Variants in PXDNL observed in about 807,000 individuals in gnomAD.
The protein encoded by PXDNL is probable oxidoreductase PXDNL.
A neutral mutation model predicts 150.8 loss-of-function variants in PXDNL; 145 were observed. The observed-to-expected ratio is 0.96, with a 90% CI of 0.84 to 1.10. The LOEUF is 1.10. PXDNL is among the 50% of genes least tolerant of loss of function. The probability of loss-of-function intolerance (pLI) is 0.00; values close to 1 mark genes in which losing one functional copy is unlikely to be tolerated. For missense variants in PXDNL, 2,087 were observed against 1,873.9 expected (o/e 1.11, Z -2.10); for synonymous variants, 757 against 725.7 (o/e 1.04, Z -0.69).
intron 3 of PXDNL, among the ~76,000 whole-genome samples, chr8:51,573,353 C>A (rs903735031): frequency 1.3e-5 from 2 of 151,940 alleles, no homozygotes. Context: ...ACATAGAAAG[C>A]CTTGACCTCC....
intron 19 of PXDNL, 143 bp downstream of exon 19, chr8:51,371,730 T>G: frequency 1.4e-6 from 1 of 735,760 alleles, no homozygotes; most frequent in Non-Finnish European, 2.2e-6. Context: ...CTTCATCATC[T>G]GTCAGATTTC....
At chr8:51,602,334 C>A (rs1306207673) in intron 2 of PXDNL, among the ~76,000 whole-genome samples, 1 of 151,888 alleles carries the variant, frequency 6.6e-6, no homozygotes, top group Non-Finnish European at 1.5e-5. Context: ...GGTTATTTTG[C>A]TTTACATAAT....
Position 51,654,685 on chromosome 8 carries a change from T to A in PXDNL, c.236+4A>T. The A allele has an allele frequency of 4.4e-6, 7 of 1,609,088 alleles. No homozygotes were observed. The highest frequency in any genetic ancestry group is 6.0e-6 in the Non-Finnish European group (7 of 1,175,924). On this transcript the variant is annotated splice_donor_region_variant and intron_variant, in intron 2 of 22. Coordinates refer to ENST00000356297, the MANE Select transcript of PXDNL (RefSeq NM_144651.5). Reference sequence around the variant, plus strand: ...AACCTTACAGATAAGCAATAAGTACTCACAGTGTGTTCAAATTCTTGAGTT... The same window carrying A: ...AACCTTACAGATAAGCAATAAGTACACACAGTGTGTTCAAATTCTTGAGTT...
At chr8:51,368,715 A>G (rs115570005) in intron 19 of PXDNL, among the ~76,000 whole-genome samples, 1,808 of 152,206 alleles carry the variant, frequency 0.012, 29 homozygotes, top group African/African-American at 0.04. Context: ...AATTAAATCC[A>G]CTGGGCATGG....
chr8:51,481,319 T>A (rs1246816932), intron 6 of PXDNL, among the ~76,000 whole-genome samples: 1 of 152,132 alleles, frequency 6.6e-6, no homozygotes, highest in Non-Finnish European at 1.5e-5. Context: ...GCCCTAGAGA[T>A]CTGTGGAAAT....
chr8:51,776,141 C>T (rs1030014431), intron 1 of PXDNL, among the ~76,000 whole-genome samples: 1 of 152,164 alleles, frequency 6.6e-6, no homozygotes, highest in Non-Finnish European at 1.5e-5. Flanking sequence ...GCTCTCAAAC[C>T]CTGTCTCCTG....
chr8:51,675,045 T>G (rs1815582778), intron 1 of PXDNL, among the ~76,000 whole-genome samples: 1 of 152,210 alleles, frequency 6.6e-6, no homozygotes, highest in Non-Finnish European at 1.5e-5. Flanking sequence ...TGCCATTTAT[T>G]CTATGTGGCC....
Position 51,423,581 on chromosome 8 carries a change from C to A in PXDNL, c.1789G>T (p.Val597Phe), listed in dbSNP as rs1809011706. ...TGGAGCTATAGACACCTACCCGTGACTGTAAGAAACATGTTGGTCACAGCA... is the reference window on the plus strand; with the variant it reads ...TGGAGCTATAGACACCTACCCGTGAATGTAAGAAACATGTTGGTCACAGCA... ...GLAVTNMFLT[V>F]TAIQGRQAGD... is the part of the protein sequence containing the mutation. Residue 597 changes from valine to phenylalanine, a missense_variant, in exon 14 of 23, where the codon GTC (valine) becomes TTC (phenylalanine). Coordinates refer to ENST00000356297, the MANE Select transcript of PXDNL (RefSeq NM_144651.5). The A allele has an allele frequency of 3.1e-6, 5 of 1,613,436 alleles. No homozygotes were observed. Among genetic ancestry groups the A allele is most frequent in the Non-Finnish European group, 4.2e-6 (5 of 1,179,630 alleles).
At chr8:51,599,540 T>C (rs1813647503) in intron 2 of PXDNL, among the ~76,000 whole-genome samples, 2 of 150,332 alleles carry the variant, frequency 1.3e-5, no homozygotes, top group Admixed American at 1.3e-4. Context: ...ATGAAATTGA[T>C]ATATATTTTT....
At chr8:51,395,469 G>C (rs28406300) in intron 17 of PXDNL, among the ~76,000 whole-genome samples, 68 of 152,276 alleles carry the variant, frequency 4.5e-4, no homozygotes, top group Middle Eastern at 3.4e-3. Context: ...GAAGAGGTAA[G>C]TCATTCTAAA....
chr8:51,591,953 T>C (rs909519757), intron 3 of PXDNL, among the ~76,000 whole-genome samples: 1 of 152,184 alleles, frequency 6.6e-6, no homozygotes, highest in East Asian at 1.9e-4. Flanking sequence ...AAAAGAAAGT[T>C]GTAGCACTCA....
chr8:51,665,881 C>A (rs1407390883), intron 1 of PXDNL, among the ~76,000 whole-genome samples: 1 of 152,192 alleles, frequency 6.6e-6, no homozygotes, highest in African/African-American at 2.4e-5. Context: ...TGTGAGGAAG[C>A]TGACAGAGAC....
chr8:51,618,796 C>G (rs1425800019), intron 2 of PXDNL, among the ~76,000 whole-genome samples: 2 of 152,208 alleles, frequency 1.3e-5, no homozygotes, highest in Non-Finnish European at 2.9e-5. Flanking sequence ...CATAATAACA[C>G]CTTCCTTCCC....
intron 21 of PXDNL, among the ~76,000 whole-genome samples, chr8:51,329,084 G>C (rs991984088): frequency 2.0e-5 from 3 of 152,182 alleles, no homozygotes; most frequent in Non-Finnish European, 4.4e-5. Flanking sequence ...AAAGGAGTAG[G>C]AGGTGGAGAA....
intron 17 of PXDNL, among the ~76,000 whole-genome samples, chr8:51,392,361 C>T (rs1424567364): frequency 2.0e-5 from 3 of 152,118 alleles, no homozygotes; most frequent in Non-Finnish European, 4.4e-5. Context: ...TTGATTCTTC[C>T]TATCCATGAG....
At chr8:51,352,957 G>C (rs1806398019) in intron 19 of PXDNL, among the ~76,000 whole-genome samples, 1 of 152,136 alleles carries the variant, frequency 6.6e-6, no homozygotes, top group Admixed American at 6.5e-5. Context: ...AAAGGTAGGA[G>C]AGTGGGAGGA....
intron 3 of PXDNL, among the ~76,000 whole-genome samples, chr8:51,585,990 C>G (rs1813314851): frequency 6.6e-6 from 1 of 152,078 alleles, no homozygotes; most frequent in South Asian, 2.1e-4. Flanking sequence ...CTGGAAGCCC[C>G]AGACCTATAT....
chr8:51,657,678 A>G (rs999061579), intron 1 of PXDNL, among the ~76,000 whole-genome samples: 3 of 152,238 alleles, frequency 2.0e-5, no homozygotes, highest in Non-Finnish European at 2.9e-5. Context: ...GTACATTTTC[A>G]GTTGTACAAA....
intron 4 of PXDNL, among the ~76,000 whole-genome samples, chr8:51,534,253 G>A (rs527854166): frequency 1.8e-4 from 24 of 135,548 alleles, no homozygotes; most frequent in Admixed American, 2.8e-4. Flanking sequence ...CCTGGCAACC[G>A]CCCCGTCTGA....
Sources: allele counts gnomAD v4.1 joint callset (sites outside exome capture counted in the v4.1 genomes callset), GRCh38; gene constraint gnomAD v4.1.1; transcripts MANE v1.5; gene names NCBI Gene and HGNC (gene_info 2026-07-23, HGNC 2026-07-21).